Variants in SLIT1 observed in about 807,000 individuals in gnomAD.
SLIT1 encodes the protein slit guidance ligand 1.
SLIT1 carries 66 observed loss-of-function variants against 186.1 expected under a neutral mutation model. That is an observed-to-expected ratio of 0.35 (90% confidence interval 0.29 to 0.44). The LOEUF (loss-of-function observed/expected upper bound fraction) is 0.44, where lower values mean the gene tolerates loss of function less well. SLIT1 is among the 20% of genes least tolerant of loss of function. SLIT1 has a pLI of 1.00. For synonymous variants in SLIT1, 761 were observed against 833.8 expected (o/e 0.91, Z 1.50); for missense variants, 1,638 against 2,037.4 (o/e 0.80, Z 3.77).
chr10:97,135,604 G>A (rs990018543), intron 4 of SLIT1, among the ~76,000 whole-genome samples: 3 of 152,180 alleles, frequency 2.0e-5, no homozygotes, highest in South Asian at 4.1e-4. Flanking sequence ...CTGAGGCCTG[G>A]AGAGGTAACC....
At chr10:97,120,812 C>T (rs1290955374) in intron 4 of SLIT1, among the ~76,000 whole-genome samples, 1 of 152,200 alleles carries the variant, frequency 6.6e-6, no homozygotes, top group Non-Finnish European at 1.5e-5. Context: ...AGGCCCCTAT[C>T]ACCCACTGGA....
chr10:97,175,507 A>C (rs950587842), intron 1 of SLIT1, among the ~76,000 whole-genome samples: 6 of 152,072 alleles, frequency 3.9e-5, no homozygotes, highest in Non-Finnish European at 8.8e-5. Flanking sequence ...TCACATCCCC[A>C]CCAACAGCGT....
intron 25 of SLIT1, among the ~76,000 whole-genome samples, chr10:97,025,611 G>C (rs1848538189): frequency 6.6e-6 from 1 of 152,270 alleles, no homozygotes; most frequent in South Asian, 2.1e-4. Context: ...AGATGTATTT[G>C]GTGGTCAGGG....
intron 4 of SLIT1, among the ~76,000 whole-genome samples, chr10:97,115,913 C>A (rs1849504417): frequency 6.6e-6 from 1 of 152,180 alleles, no homozygotes; most frequent in Admixed American, 6.5e-5. Context: ...ATAAAGGGAA[C>A]CTTCCCATAA....
intron 4 of SLIT1, among the ~76,000 whole-genome samples, chr10:97,151,003 C>T (rs547415270): frequency 1.5e-3 from 231 of 152,178 alleles, no homozygotes; most frequent in Non-Finnish European, 2.7e-3. Flanking sequence ...CCTGCCCCCC[C>T]GCCGGAAGGA....
Position 97,060,229 on chromosome 10 carries a change from T to A in SLIT1, c.942-71A>T. 8.1e-6 allele frequency: 10 copies of A among 1,239,260 alleles called. No individual in the cohort carries two copies. In the South Asian group the frequency reaches 1.2e-4, roughly 15 times the overall value. The allele number at this position is 1,239,260 out of a possible 1,614,324, so 76.8% of individuals were successfully genotyped here. On this transcript the variant is annotated intron_variant, in intron 9 of 36. Coordinates refer to ENST00000266058, the MANE Select transcript of SLIT1 (RefSeq NM_003061.3). ...CAGCCCTGGGTGTTATCTGCTGGGC[T>A]CACCTGCCCTGAATAATCCTTTGGC... is the stretch of plus-strand genomic sequence containing the variant.
At chr10:97,183,968 C>G (rs1191528138) in intron 1 of SLIT1, among the ~76,000 whole-genome samples, 3 of 151,778 alleles carry the variant, frequency 2.0e-5, no homozygotes. Context: ...GGTACCACCT[C>G]TCCCCAGCCC....
At position 97,016,638 on chromosome 10, in the gene SLIT1, T is replaced by C. The variant is rs553516168; in HGVS notation, c.2969+1948A>G. Reference sequence around the variant, plus strand: ...GCCCAGGCTAGTCTCCAACTACTTGTCTTAAGGCCCTTCCACCTTAGCCTC... The same window carrying C: ...GCCCAGGCTAGTCTCCAACTACTTGCCTTAAGGCCCTTCCACCTTAGCCTC... On this transcript the variant is annotated intron_variant, in intron 28 of 36. Coordinates refer to ENST00000266058, the MANE Select transcript of SLIT1 (RefSeq NM_003061.3). Among the ~76,000 whole-genome samples the C allele has an allele frequency of 7.9e-5, 12 of 152,338 alleles. No homozygotes were observed. The East Asian group carries it at 1.7e-3, about 22-fold the overall frequency.
At chr10:97,059,765 T>C (rs999760226) in intron 10 of SLIT1, among the ~76,000 whole-genome samples, 3 of 152,184 alleles carry the variant, frequency 2.0e-5, no homozygotes, top group African/African-American at 7.2e-5. Context: ...TGGACAAAGC[T>C]TTCCCATGCA....
At chr10:97,146,040 C>T (rs1849813902) in intron 4 of SLIT1, among the ~76,000 whole-genome samples, 1 of 152,200 alleles carries the variant, frequency 6.6e-6, no homozygotes, top group Non-Finnish European at 1.5e-5. Flanking sequence ...GCCATATTTG[C>T]ATTACTCAAG....
At position 97,032,372 on chromosome 10, in the gene SLIT1, C is replaced by T. The variant is rs187894031; in HGVS notation, c.2439-695G>A. On this transcript the variant is annotated intron_variant, in intron 23 of 36. Transcript: ENST00000266058. ...TCACCTGAGGTCAGGAGTTTGAGAA[C>T]AGCCTGACCGACATGGCAAAACCCC... Among the ~76,000 whole-genome samples, 255 of 152,192 alleles carry T rather than the reference C, an allele frequency of 1.7e-3. 2 individuals carry two copies. The highest frequency in any genetic ancestry group is 2.1e-3 in the Non-Finnish European group (146 of 68,014).
Position 97,151,911 on chromosome 10 carries a change from G to T in SLIT1, c.413+5907C>A, listed in dbSNP as rs114554896. The stretch of plus-strand genomic sequence containing the variant: ...GTGAGGCAGTGAAGGAGGTCATGGG[G>T]CAGGTTCACTTCTGCAGTGGGGTTG... On this transcript the variant is annotated intron_variant, in intron 4 of 36. Coordinates refer to ENST00000266058, the MANE Select transcript of SLIT1 (RefSeq NM_003061.3). 9.7e-3 allele frequency among the ~76,000 whole-genome samples: 1,471 copies of T among 152,210 alleles called. 27 individuals are homozygous for T. The highest frequency in any genetic ancestry group is 0.034 in the African/African-American group (1,404 of 41,512).
At chr10:97,165,783 G>A (rs1026846682) in intron 1 of SLIT1, among the ~76,000 whole-genome samples, 13 of 152,110 alleles carry the variant, frequency 8.5e-5, no homozygotes, top group Admixed American at 6.5e-5. Context: ...CACCATCTGG[G>A]TCCTGGGGCC....
chr10:97,170,063 C>T (rs1165547651), intron 1 of SLIT1, among the ~76,000 whole-genome samples: 1 of 152,252 alleles, frequency 6.6e-6, no homozygotes, highest in African/African-American at 2.4e-5. Context: ...GGAGAGGACA[C>T]GGCTGCACAG....
At chr10:97,071,375 C>T (rs540785642) in intron 4 of SLIT1, among the ~76,000 whole-genome samples, 68 of 152,276 alleles carry the variant, frequency 4.5e-4, no homozygotes, top group African/African-American at 1.3e-3. Context: ...TCAGCCCAGC[C>T]GACCACTCAC....
At chr10:97,037,113 T>TGA (rs1848647412) in intron 22 of SLIT1, among the ~76,000 whole-genome samples, 1 of 150,138 alleles carries the variant, frequency 6.7e-6, no homozygotes, top group African/African-American at 2.5e-5. Context: ...TGTGTGTGTG[T>TGA]GACGGAGTTT....
chr10:97,001,090 A>C lies in SLIT1; in HGVS notation c.*22T>G. 6.2e-7 allele frequency: 1 copy of C among 1,602,694 alleles called. No homozygotes were observed. The highest frequency in any genetic ancestry group is 8.5e-7 in the Non-Finnish European group (1 of 1,171,912). On this transcript the variant is annotated 3_prime_UTR_variant, in exon 37 of 37. Coordinates refer to ENST00000266058, the MANE Select transcript of SLIT1 (RefSeq NM_003061.3). ...CGGCTGGGGCCCCTTGCCCGCCCTC[A>C]CCGGCCTGTCCACGCCCAGCGCTAT...
chr10:97,069,449 A>G (rs975527091), intron 4 of SLIT1, among the ~76,000 whole-genome samples: 1 of 152,224 alleles, frequency 6.6e-6, no homozygotes, highest in African/African-American at 2.4e-5. Flanking sequence ...CTGAAAGCTG[A>G]TGGTCTGCTG....
intron 2 of SLIT1, among the ~76,000 whole-genome samples, chr10:97,164,064 C>G (rs1165991678): frequency 2.0e-5 from 3 of 152,242 alleles, no homozygotes; most frequent in Non-Finnish European, 4.4e-5. Flanking sequence ...AACTGAACCA[C>G]CTGGCTCTGT....
Sources: gnomAD v4.1 joint callset for allele counts (sites outside exome capture counted in the v4.1 genomes callset) on GRCh38, gnomAD v4.1.1 for gene constraint, MANE v1.5 for transcripts, NCBI Gene and HGNC (gene_info 2026-07-23, HGNC 2026-07-21) for gene names.